The following RIT2 variants were observed in gnomAD, a reference collection of about 807,000 sequenced individuals.
RIT2 encodes Ras like without CAAX 2.
A neutral mutation model predicts 23.7 loss-of-function variants in RIT2; 24 were observed. The ratio of observed to expected loss-of-function variants is 1.01; its 90% CI spans 0.73 to 1.43. The LOEUF is 1.43. Ranked by LOEUF, RIT2 falls within the 40% of genes most tolerant of loss-of-function variation. The pLI is 0.00. For synonymous variants in RIT2, 107 were observed against 91.1 expected (o/e 1.17, Z -0.99); for missense variants, 236 against 266.9 (o/e 0.88, Z 0.81).
chr18:42,981,398 C>T (rs548150749), intron 2 of RIT2, among the ~76,000 whole-genome samples: 3 of 152,224 alleles, frequency 2.0e-5, no homozygotes, highest in African/African-American at 7.2e-5. Flanking sequence ...ACTCTTCATC[C>T]TCATCTGATG....
chr18:43,105,502 G>GAGGAAGAGAGGAAGAGAGGA (rs1336223919), intron 1 of RIT2, among the ~76,000 whole-genome samples: 22 of 57,482 alleles, frequency 3.8e-4, no homozygotes, highest in South Asian at 2.0e-3. Context: ...GGAAGAAAGG[G>GAGGAAGAGAGGAAGAGAGGA]AGGGAGGGAG....
At chr18:42,941,905 T>C (rs1315380384) in intron 3 of RIT2, among the ~76,000 whole-genome samples, 1 of 152,128 alleles carries the variant, frequency 6.6e-6, no homozygotes, top group Non-Finnish European at 1.5e-5. Context: ...TTAAATAACC[T>C]GTCCAAGATC....
At chr18:42,887,190 G>A (rs1908044726) in intron 4 of RIT2, among the ~76,000 whole-genome samples, 2 of 152,032 alleles carry the variant, frequency 1.3e-5, no homozygotes, top group African/African-American at 4.8e-5. Context: ...AGACTTTACA[G>A]GCCAATTGTA....
intron 1 of RIT2, among the ~76,000 whole-genome samples, chr18:43,059,550 T>G (rs1912593700): frequency 6.6e-6 from 1 of 152,126 alleles, no homozygotes; most frequent in South Asian, 2.1e-4. Flanking sequence ...TTCACTTATC[T>G]CTCCATCTAT....
intron 4 of RIT2, among the ~76,000 whole-genome samples, chr18:42,786,598 T>C (rs751542666): frequency 4.6e-5 from 7 of 152,158 alleles, no homozygotes; most frequent in Non-Finnish European, 1.0e-4. Context: ...AGTTTGGCAA[T>C]TAATTGATCT....
chr18:42,830,074 A>G (rs1370862107), intron 4 of RIT2, among the ~76,000 whole-genome samples: 1 of 152,170 alleles, frequency 6.6e-6, no homozygotes, highest in Non-Finnish European at 1.5e-5. Flanking sequence ...GAGAATTTCT[A>G]AAAATTCTTG....
chr18:42,867,769 G>A (rs922552180), intron 4 of RIT2, among the ~76,000 whole-genome samples: 1 of 152,144 alleles, frequency 6.6e-6, no homozygotes, highest in African/African-American at 2.4e-5. Flanking sequence ...ACTACAGCCT[G>A]GGTAACATAG....
intron 4 of RIT2, among the ~76,000 whole-genome samples, chr18:42,906,007 CATATAT>C (rs1167959698): frequency 6.3e-4 from 2 of 3,174 alleles, no homozygotes; most frequent in Admixed American, 4.4e-3. Flanking sequence ...TATATATATA[CATATAT>C]ATATATATGT....
At chr18:42,820,293 A>G (rs1906111302) in intron 4 of RIT2, among the ~76,000 whole-genome samples, 1 of 152,134 alleles carries the variant, frequency 6.6e-6, no homozygotes, top group South Asian at 2.1e-4. Context: ...AGCTGTAGAT[A>G]TACAGATGAA....
chr18:42,927,491 A>G (rs1461493762), intron 3 of RIT2, among the ~76,000 whole-genome samples: 2 of 151,868 alleles, frequency 1.3e-5, no homozygotes, highest in Non-Finnish European at 2.9e-5. Flanking sequence ...TTAATAATAT[A>G]TGATAAAGAA....
intron 2 of RIT2, among the ~76,000 whole-genome samples, chr18:43,023,830 C>T (rs908476826): frequency 6.6e-6 from 1 of 151,512 alleles, no homozygotes; most frequent in Admixed American, 6.6e-5. Flanking sequence ...TCTGGAGGTT[C>T]GATGGTGGTC....
chr18:42,778,296 A>G (rs1913722553), intron 4 of RIT2, among the ~76,000 whole-genome samples: 1 of 152,232 alleles, frequency 6.6e-6, no homozygotes, highest in Non-Finnish European at 1.5e-5. Flanking sequence ...GCAGCTCCAG[A>G]TGGTGACTTT....
At chr18:42,988,440 G>T (rs995579448) in intron 2 of RIT2, among the ~76,000 whole-genome samples, 1 of 151,938 alleles carries the variant, frequency 6.6e-6, no homozygotes, top group Admixed American at 6.6e-5. Flanking sequence ...TCTTCATATT[G>T]AGTAAATACA....
chr18:43,025,513 A>G (rs1270483716), intron 2 of RIT2, among the ~76,000 whole-genome samples: 2 of 152,130 alleles, frequency 1.3e-5, no homozygotes, highest in South Asian at 2.1e-4. Context: ...CACAATAGCA[A>G]TGACATGGAA....
In RIT2 at chr18:42,751,160, G is replaced by T. The variant is rs543614877; in HGVS notation, c.427-7440C>A. Among the ~76,000 whole-genome samples, 6 of 151,968 alleles carry T rather than the reference G, an allele frequency of 3.9e-5. No homozygotes were observed. The South Asian group carries it at 1.0e-3, about 26-fold the overall frequency. On this transcript the variant is annotated intron_variant, in intron 4 of 4. Transcript: ENST00000326695. Reference sequence around the variant, plus strand: ...GAGAAATGAAGGTGCTGTCAGTGGTGCCCTGACATTGAGTTATCATTTTGG... The same window carrying T: ...GAGAAATGAAGGTGCTGTCAGTGGTTCCCTGACATTGAGTTATCATTTTGG...
chr18:42,808,484 T>A (rs1905747444), intron 4 of RIT2, among the ~76,000 whole-genome samples: 1 of 152,196 alleles, frequency 6.6e-6, no homozygotes, highest in Non-Finnish European at 1.5e-5. Context: ...ATTCTATATC[T>A]TATTTCAGTG....
chr18:42,969,314 T>C (rs1910307911), intron 3 of RIT2, among the ~76,000 whole-genome samples: 1 of 152,038 alleles, frequency 6.6e-6, no homozygotes, highest in African/African-American at 2.4e-5. Flanking sequence ...CCTTAAGTAT[T>C]CTCTTTAAAG....
chr18:43,025,301 G>A (rs1049190980), intron 2 of RIT2, among the ~76,000 whole-genome samples: 12 of 151,044 alleles, frequency 7.9e-5, no homozygotes, highest in Non-Finnish European at 1.6e-4. Flanking sequence ...AGAGCAAAGG[G>A]AATGCTTATA....
intron 4 of RIT2, among the ~76,000 whole-genome samples, chr18:42,791,305 A>C (rs548048907): frequency 1.1e-4 from 17 of 152,286 alleles, no homozygotes; most frequent in African/African-American, 4.1e-4. Context: ...ATGTATCTTC[A>C]GTTCTTTGCT....
Sources: allele counts gnomAD v4.1 joint callset (sites outside exome capture counted in the v4.1 genomes callset), GRCh38; gene constraint gnomAD v4.1.1; transcripts MANE v1.5; gene names NCBI Gene and HGNC (gene_info 2026-07-23, HGNC 2026-07-21).